GALNT5: variants seen among roughly 807,000 people sequenced by gnomAD.
The protein encoded by GALNT5 is UDP-GalNAc:polypeptide N-acetylgalactosaminyltransferase 5.
In GALNT5, 72 loss-of-function variants were observed where a neutral mutation model predicts 85.4. The observed-to-expected ratio is 0.84, with a 90% CI of 0.70 to 1.03. GALNT5 has a LOEUF of 1.03. GALNT5 is among the 50% of genes least tolerant of loss of function. GALNT5 has a pLI of 0.00. For synonymous variants in GALNT5, 404 were observed against 397.0 expected (o/e 1.02, Z -0.21); for missense variants, 1,137 against 1,135.5 (o/e 1.00, Z -0.02).
intron 4 of GALNT5, 64 bp from the exon 5 acceptor site, chr2:157,296,330 C>T (rs1472926761): frequency 3.8e-5 from 50 of 1,325,744 alleles, no homozygotes; most frequent in East Asian, 3.2e-4. Flanking sequence ...GAAGCCAAAT[C>T]GATAAAGTAT....
intron 5 of GALNT5, 46 bp from the exon 6 acceptor site, chr2:157,299,502 G>A: frequency 9.0e-7 from 1 of 1,109,244 alleles, no homozygotes; most frequent in African/African-American, 1.5e-5. Flanking sequence ...TAAAAGTCGA[G>A]CTTTCATGAG....
At chr2:157,296,805 T>C (rs1371268258) in intron 5 of GALNT5, among the ~76,000 whole-genome samples, 1 of 152,222 alleles carries the variant, frequency 6.6e-6, no homozygotes, top group African/African-American at 2.4e-5. Context: ...ATGTGCTGCA[T>C]ACATACTATA....
At chr2:157,286,522 G>A (rs2105145342) in intron 3 of GALNT5, among the ~76,000 whole-genome samples, 1 of 151,336 alleles carries the variant, frequency 6.6e-6, no homozygotes, top group East Asian at 1.9e-4. Context: ...TTGTTTTTTT[G>A]AGACAGAGTC....
rs1683661404 is a variant in GALNT5 at position 157,314,832 on chromosome 2, C to T, written c.*3484C>T. ...CAGTGGCTCACACCTGTAATCCTAG[C>T]ACTTTAGGAGGCCAAGGTGGGTGGA... On this transcript the variant is annotated 3_prime_UTR_variant, in exon 10 of 10. Transcript: ENST00000259056. 6.6e-6 allele frequency among the ~76,000 whole-genome samples: 1 copy of T among 152,128 alleles called. No individual in the cohort carries two copies. The highest frequency in any genetic ancestry group is 2.4e-5 in the African/African-American group (1 of 41,426).
intron 3 of GALNT5, among the ~76,000 whole-genome samples, chr2:157,293,702 T>G (rs771717699): frequency 9.9e-5 from 15 of 152,168 alleles, no homozygotes; most frequent in Non-Finnish European, 1.9e-4. Flanking sequence ...CTTGCCCTCA[T>G]GCAAAAATGC....
chr2:157,298,326 A>T (rs2105159382), intron 5 of GALNT5, among the ~76,000 whole-genome samples: 1 of 152,296 alleles, frequency 6.6e-6, no homozygotes, highest in South Asian at 2.1e-4. Context: ...ACCAGAAGGA[A>T]AACCCCATTT....
At chr2:157,275,679 T>C (rs1195499331) in intron 1 of GALNT5, among the ~76,000 whole-genome samples, 1 of 152,250 alleles carries the variant, frequency 6.6e-6, no homozygotes, top group Admixed American at 6.5e-5. Context: ...TGATTTTGTA[T>C]CCTGAGACTT....
At chr2:157,297,761 G>C (rs1167618746) in intron 5 of GALNT5, among the ~76,000 whole-genome samples, 1 of 152,158 alleles carries the variant, frequency 6.6e-6, no homozygotes, top group Non-Finnish European at 1.5e-5. Flanking sequence ...TAAGCACAAA[G>C]CAGGCTCTCC....
intron 6 of GALNT5, among the ~76,000 whole-genome samples, chr2:157,300,247 G>A (rs1683310462): frequency 6.6e-6 from 1 of 152,142 alleles, no homozygotes; most frequent in Non-Finnish European, 1.5e-5. Context: ...ATGTAAAAGG[G>A]TGTAATTTTG....
At chr2:157,297,012 C>T (rs1683226580) in intron 5 of GALNT5, among the ~76,000 whole-genome samples, 1 of 152,114 alleles carries the variant, frequency 6.6e-6, no homozygotes, top group Non-Finnish European at 1.5e-5. Context: ...CAAGTTTGGG[C>T]TTTTATTTCC....
intron 3 of GALNT5, among the ~76,000 whole-genome samples, chr2:157,287,210 C>A (rs555244001): frequency 1.3e-5 from 2 of 152,220 alleles, no homozygotes; most frequent in East Asian, 3.9e-4. Context: ...CACATTGATC[C>A]ATGAAAATAT....
At position 157,312,929 on chromosome 2, in the gene GALNT5, A is replaced by G. The variant is rs1683607856; in HGVS notation, c.*1581A>G. 6.6e-6 allele frequency: 1 copy of G among 152,142 alleles called. No individual in the cohort carries two copies. The allele number at this position is 152,142 out of a possible 1,614,324, so 9.4% of individuals were successfully genotyped here. On this transcript the variant is annotated 3_prime_UTR_variant, in exon 10 of 10. Coordinates refer to ENST00000259056, the MANE Select transcript of GALNT5 (RefSeq NM_014568.3). ...AGTTGAGATGATTGTGAAACTAGGT[A>G]TCTTTCATTCTGACTCCTAGTTTAA...
intron 3 of GALNT5, among the ~76,000 whole-genome samples, chr2:157,295,015 G>A (rs1683184503): frequency 6.7e-6 from 1 of 150,242 alleles, no homozygotes; most frequent in Non-Finnish European, 1.5e-5. Context: ...AAAATACATA[G>A]AATATAAAAA....
intron 1 of GALNT5, among the ~76,000 whole-genome samples, chr2:157,280,879 T>C (rs796367971): frequency 7.9e-5 from 12 of 152,194 alleles, no homozygotes; most frequent in African/African-American, 2.7e-4. Flanking sequence ...TACTGTCTCT[T>C]GCTTGCTCTG....
intron 1 of GALNT5, among the ~76,000 whole-genome samples, chr2:157,283,662 G>A (rs1558896218): frequency 6.6e-6 from 1 of 151,404 alleles, no homozygotes; most frequent in Non-Finnish European, 1.5e-5. Context: ...TTGGCAGACA[G>A]CCAGTTGGAA....
chr2:157,305,817 T>G lies in GALNT5; in HGVS notation c.2508T>G (p.Asp836Glu). ...CTACAGTCATTCTGGAAGACTGCGA[T>G]GGGAGCAAAGAGGTATGCTAAACTG... The part of the protein sequence containing the change: ...ENTTVILEDC[D>E]GSKELQQFNY... The change falls in exon 8 of 10, where the codon GAT (aspartate) becomes GAG (glutamate). Residue 836 changes from aspartate to glutamate, a missense_variant. Asp to Glu is a conservative substitution (Grantham distance 45). Coordinates refer to ENST00000259056, the MANE Select transcript of GALNT5 (RefSeq NM_014568.3). 1 of 1,597,538 alleles carries G rather than the reference T, an allele frequency of 6.3e-7. No individual in the cohort carries two copies. Among genetic ancestry groups the G allele is most frequent in the East Asian group, 2.2e-5 (1 of 44,754 alleles).
chr2:157,308,624 G>C lies in GALNT5; in HGVS notation c.2578G>C (p.Ala860Pro). The change falls in exon 9 of 10, where the codon GCC becomes CCC. Residue 860 changes from alanine to proline, a missense_variant. Coordinates refer to ENST00000259056, the MANE Select transcript of GALNT5 (RefSeq NM_014568.3). ...RLIKCGEWCI[A>P]PIPDKGAVRL... ...TATTAAATGTGGAGAATGGTGTATA[G>C]CCCCCATCCCTGATAAAGGAGCCGT... 3 of 1,613,336 alleles carry C rather than the reference G, an allele frequency of 1.9e-6. No individual in the cohort carries two copies. The highest frequency in any genetic ancestry group is 2.5e-6 in the Non-Finnish European group (3 of 1,179,332).
Position 157,258,792 on chromosome 2 carries a change from A to G in GALNT5, c.710A>G (p.Glu237Gly). Residue 237 changes from glutamate to glycine, a missense_variant, in exon 1 of 10, where the codon GAG becomes GGG. By Grantham distance (98) the Glu-to-Gly change is moderately conservative (BLOSUM62 -2). Transcript: ENST00000259056. Reference protein sequence around the residue: ...PKQRSQAVANERAHPASTAVP... With the variant: ...PKQRSQAVANGRAHPASTAVP... ...CAGCGATCACAGGCAGTAGCAAACG[A>G]GAGGGCACACCCTGCCAGCACAGCA... 2 of 1,606,292 alleles carry G rather than the reference A, an allele frequency of 1.2e-6. No individual in the cohort carries two copies. Among genetic ancestry groups the G allele is most frequent in the Non-Finnish European group, 1.7e-6 (2 of 1,173,860 alleles).
chr2:157,281,628 G>C (rs1363683138), intron 1 of GALNT5, among the ~76,000 whole-genome samples: 3 of 152,132 alleles, frequency 2.0e-5, no homozygotes, highest in African/African-American at 7.2e-5. Context: ...AAGAAAGAAA[G>C]AAAGCTTCTA....
Sources: gnomAD v4.1 joint callset for allele counts (sites outside exome capture counted in the v4.1 genomes callset) on GRCh38, gnomAD v4.1.1 for gene constraint, MANE v1.5 for transcripts, NCBI Gene and HGNC (gene_info 2026-07-23, HGNC 2026-07-21) for gene names.